The following SIL1 variants were observed in gnomAD, a reference collection of about 807,000 sequenced individuals.
SIL1 encodes nucleotide exchange factor SIL1.
In SIL1, 40 loss-of-function variants were observed where a neutral mutation model predicts 49.1. The observed-to-expected ratio is 0.81, with a 90% CI of 0.63 to 1.06. SIL1 has a LOEUF of 1.06. Ranked by LOEUF, SIL1 falls within the 50% of genes least tolerant of loss-of-function variation. The pLI, the probability that SIL1 is intolerant of heterozygous loss-of-function variation, is 0.00. For missense variants in SIL1, 500 were observed against 572.6 expected, an observed-to-expected ratio of 0.87 and a Z score of 1.29; for synonymous variants, 253 against 250.8, an observed-to-expected ratio of 1.01 and a Z score of -0.08.
intron 1 of SIL1, among the ~76,000 whole-genome samples, chr5:139,161,950 T>C (rs959357985): frequency 6.6e-6 from 1 of 151,876 alleles, no homozygotes; most frequent in Non-Finnish European, 1.5e-5. Context: ...GAAGTGGTCG[T>C]TGCAGTGAGC....
intron 3 of SIL1, among the ~76,000 whole-genome samples, chr5:139,105,803 G>A (rs1443599649): frequency 6.6e-6 from 1 of 152,226 alleles, no homozygotes; most frequent in Admixed American, 6.5e-5. Flanking sequence ...GAGAGCACCA[G>A]CAAACATTAC....
intron 1 of SIL1, among the ~76,000 whole-genome samples, chr5:139,170,149 G>A (rs1279937846): frequency 5.9e-5 from 9 of 152,224 alleles, no homozygotes; most frequent in South Asian, 2.1e-4. Context: ...GATTGCAGAC[G>A]GAGTCTGGTT....
At chr5:139,119,815 T>C (rs1434534442) in intron 3 of SIL1, among the ~76,000 whole-genome samples, 1 of 152,104 alleles carries the variant, frequency 6.6e-6, no homozygotes, top group East Asian at 1.9e-4. Flanking sequence ...GCGGATATAG[T>C]CCGTATCTTC....
At chr5:138,949,974 G>C (rs1367272406) in intron 9 of SIL1, among the ~76,000 whole-genome samples, 2 of 152,190 alleles carry the variant, frequency 1.3e-5, no homozygotes, top group African/African-American at 4.8e-5. Flanking sequence ...TGTTTGTAGA[G>C]AGATGCCAGT....
chr5:139,100,200 T>C (rs1770556188), intron 3 of SIL1, among the ~76,000 whole-genome samples: 1 of 152,212 alleles, frequency 6.6e-6, no homozygotes, highest in Non-Finnish European at 1.5e-5. Flanking sequence ...CTTACTTATT[T>C]TGTTGCTTCA....
At chr5:138,949,898 G>A (rs1282231457) in intron 9 of SIL1, among the ~76,000 whole-genome samples, 3 of 152,090 alleles carry the variant, frequency 2.0e-5, no homozygotes, top group South Asian at 2.1e-4. Context: ...AGTACAGTGT[G>A]TCCTAAATCT....
chr5:139,111,980 G>C (rs915541641), intron 3 of SIL1, among the ~76,000 whole-genome samples: 2 of 152,174 alleles, frequency 1.3e-5, no homozygotes, highest in Admixed American at 6.5e-5. Context: ...GAGCGCCTGC[G>C]ATTGCAGGTG....
chr5:139,021,089 C>G (rs1768515415), intron 7 of SIL1, 82 bp downstream of exon 7: 1 of 1,571,716 alleles, frequency 6.4e-7, no homozygotes, highest in African/African-American at 1.4e-5. Flanking sequence ...TCAGTAGCAA[C>G]AGGCACATTC....
rs555404328 is a variant in SIL1, at chr5:139,076,499, A to G, written c.245-25453T>C. 3.7e-4 allele frequency among the ~76,000 whole-genome samples: 57 copies of G among 152,352 alleles called. 2 individuals are homozygous for G. In the South Asian group the frequency reaches 0.011, roughly 28 times the overall value. ...TGGAAAGCCACTAAAACAGCCAAAT[A>G]TATAGACCTTGGGAATAGCAAAGCT... On this transcript the variant is annotated intron_variant, in intron 3 of 9. Coordinates refer to ENST00000394817, the MANE Select transcript of SIL1 (RefSeq NM_022464.5).
At chr5:138,949,712 G>A (rs1472771619) in intron 9 of SIL1, among the ~76,000 whole-genome samples, 4 of 150,048 alleles carry the variant, frequency 2.7e-5, no homozygotes, top group African/African-American at 9.8e-5. Context: ...TCAGGGGGCT[G>A]AGGTGGGAGG....
chr5:139,189,983 G>A (rs1432960759), intron 1 of SIL1, among the ~76,000 whole-genome samples: 1 of 152,186 alleles, frequency 6.6e-6, no homozygotes. Context: ...TGTGCCAGAG[G>A]AAGCACCATA....
intron 7 of SIL1, among the ~76,000 whole-genome samples, chr5:138,964,126 A>C (rs1484339755): frequency 6.6e-6 from 1 of 152,236 alleles, no homozygotes; most frequent in Non-Finnish European, 1.5e-5. Flanking sequence ...AAAAGTTCCA[A>C]TTACTTACAG....
At chr5:139,192,126 A>C (rs1752185120) in intron 1 of SIL1, among the ~76,000 whole-genome samples, 1 of 150,562 alleles carries the variant, frequency 6.6e-6, no homozygotes, top group Non-Finnish European at 1.5e-5. Context: ...ATGGTGGTAC[A>C]TGCATGTAAT....
chr5:139,092,935 T>C (rs979244694), intron 3 of SIL1, among the ~76,000 whole-genome samples: 10 of 152,310 alleles, frequency 6.6e-5, no homozygotes, highest in Admixed American at 6.5e-4. Flanking sequence ...TTTGCCCTCA[T>C]GAATGATTAA....
At chr5:139,193,432 G>A (rs756707395) in intron 1 of SIL1, among the ~76,000 whole-genome samples, 1 of 152,062 alleles carries the variant, frequency 6.6e-6, no homozygotes, top group Non-Finnish European at 1.5e-5. Context: ...GTTGGGCATG[G>A]TGGTGGGCGC....
intron 3 of SIL1, among the ~76,000 whole-genome samples, chr5:139,073,103 T>C (rs1036439731): frequency 1.3e-5 from 2 of 152,216 alleles, no homozygotes; most frequent in Non-Finnish European, 2.9e-5. Context: ...ACACTGCTGA[T>C]GGGAATGTGA....
At chr5:139,009,140 G>C (rs1024666122) in intron 7 of SIL1, among the ~76,000 whole-genome samples, 6 of 151,180 alleles carry the variant, frequency 4.0e-5, no homozygotes, top group African/African-American at 7.3e-5. Context: ...ATGAATCTGG[G>C]TGCTCCTGTA....
At chr5:139,002,681 G>C (rs1768013890) in intron 7 of SIL1, among the ~76,000 whole-genome samples, 1 of 152,166 alleles carries the variant, frequency 6.6e-6, no homozygotes. Context: ...GGCACAAATT[G>C]CTCCACAAAT....
intron 3 of SIL1, among the ~76,000 whole-genome samples, chr5:139,070,899 A>T (rs1769816790): frequency 6.6e-6 from 1 of 152,320 alleles, no homozygotes; most frequent in Admixed American, 6.5e-5. Context: ...ATACCTCTTT[A>T]TAAAAGTAGT....
Sources: allele counts gnomAD v4.1 joint callset (sites outside exome capture counted in the v4.1 genomes callset), GRCh38; gene constraint gnomAD v4.1.1; transcripts MANE v1.5; gene names NCBI Gene and HGNC (gene_info 2026-07-23, HGNC 2026-07-21).